The following SCAF8 variants were observed in gnomAD, a reference collection of about 807,000 sequenced individuals.
The protein encoded by SCAF8 is SR-related and CTD-associated factor 8.
A neutral mutation model predicts 140.5 loss-of-function variants in SCAF8; 23 were observed. The ratio of observed to expected loss-of-function variants is 0.16; its 90% CI spans 0.12 to 0.23. The LOEUF is 0.23. Among genes scored for constraint, SCAF8 ranks in the 10% least tolerant of loss-of-function variants. SCAF8 has a pLI of 1.00. For synonymous variants in SCAF8, 575 were observed against 528.9 expected (o/e 1.09, Z -1.20); for missense variants, 1,397 against 1,555.7 (o/e 0.90, Z 1.72).
chr6:154,751,518 G>A (rs1267672179), intron 1 of SCAF8, among the ~76,000 whole-genome samples: 1 of 152,052 alleles, frequency 6.6e-6, no homozygotes, highest in African/African-American at 2.4e-5. Context: ...ATGAGCCATC[G>A]CGCCCGGCCA....
intron 1 of SCAF8, chr6:154,741,906 T>G: frequency 7.7e-7 from 1 of 1,300,286 alleles, no homozygotes; most frequent in Non-Finnish European, 1.1e-6. Context: ...AGTGAGCTCA[T>G]TTTGTCTGGT....
In SCAF8 at chr6:154,733,456, C is replaced by T. The variant is rs1002455427; in HGVS notation, c.-445C>T. 11 of 1,380,934 alleles carry T rather than the reference C, an allele frequency of 8.0e-6. No homozygotes were observed. The highest frequency in any genetic ancestry group is 3.3e-5 in the Admixed American group (1 of 30,412). 85.5% of individuals were successfully genotyped at this position (1,380,934 alleles called of 1,614,324 possible). ...GCCGCTGCTGCCAGCGCTTCCTCCT[C>T]TGTCTTCGCCGAGCGGGGCTGGTTC... On this transcript the variant is annotated 5_prime_UTR_variant, in exon 1 of 20. Coordinates refer to ENST00000367178, the MANE Select transcript of SCAF8 (RefSeq NM_014892.5).
intron 1 of SCAF8, among the ~76,000 whole-genome samples, chr6:154,745,341 A>G (rs1477828369): frequency 6.6e-6 from 1 of 152,214 alleles, no homozygotes; most frequent in Non-Finnish European, 1.5e-5. Context: ...TGTTGTCCAC[A>G]TATTCCATTA....
chr6:154,811,927 C>G (rs1778103558), intron 12 of SCAF8, among the ~76,000 whole-genome samples: 1 of 152,094 alleles, frequency 6.6e-6, no homozygotes, highest in South Asian at 2.1e-4. Flanking sequence ...TTTTCTTAAT[C>G]CAGTCTATCA....
intron 9 of SCAF8, among the ~76,000 whole-genome samples, chr6:154,806,354 C>G (rs1001088750): frequency 1.3e-5 from 2 of 152,108 alleles, no homozygotes; most frequent in Non-Finnish European, 1.5e-5. Context: ...TATTAGGAAA[C>G]CCCCTTTCCC....
chr6:154,734,792 G>A (rs563021447), intron 1 of SCAF8, among the ~76,000 whole-genome samples: 5 of 152,234 alleles, frequency 3.3e-5, no homozygotes, highest in Non-Finnish European at 2.9e-5. Context: ...GTACACATCT[G>A]CACAGTCAGC....
intron 3 of SCAF8, among the ~76,000 whole-genome samples, chr6:154,786,265 T>G (rs1273428296): frequency 1.3e-5 from 2 of 152,192 alleles, no homozygotes; most frequent in Non-Finnish European, 2.9e-5. Context: ...TCTTGCTGTC[T>G]TCTCTTCTTG....
intron 1 of SCAF8, among the ~76,000 whole-genome samples, chr6:154,749,712 G>C (rs73581040): frequency 0.015 from 2,248 of 152,086 alleles, 58 homozygotes; most frequent in African/African-American, 0.051. Context: ...ATTGAGCCTG[G>C]GTTTTCTGAT....
intron 14 of SCAF8, among the ~76,000 whole-genome samples, chr6:154,819,023 C>A (rs1330085284): frequency 6.6e-6 from 1 of 151,810 alleles, no homozygotes; most frequent in African/African-American, 2.4e-5. Flanking sequence ...TAAACCAGGC[C>A]CTTGTGAAGA....
At position 154,774,357 on chromosome 6, in the gene SCAF8, G is replaced by A. The variant is rs143545912; in HGVS notation, c.114+285G>A. Among the ~76,000 whole-genome samples the A allele has an allele frequency of 3.0e-4, 45 of 152,232 alleles. No homozygotes were observed. In the East Asian group the frequency reaches 8.7e-3, roughly 29 times the overall value. On this transcript the variant is annotated intron_variant, in intron 2 of 19. Coordinates refer to ENST00000367178, the MANE Select transcript of SCAF8 (RefSeq NM_014892.5). ...GCTCACTGTGGCCTCGACCTCCTGG[G>A]CTCAAGTGATCCTCTTGCCTCAGCC...
In SCAF8 at chr6:154,815,149, T is replaced by C. The variant is rs541151958; in HGVS notation, c.1421-567T>C. 1.6e-3 allele frequency among the ~76,000 whole-genome samples: 237 copies of C among 151,982 alleles called. 1 individual carries two copies. The highest frequency in any genetic ancestry group is 5.6e-3 in the African/African-American group (231 of 41,466). On this transcript the variant is annotated intron_variant, in intron 12 of 19. Coordinates refer to ENST00000367178, the MANE Select transcript of SCAF8 (RefSeq NM_014892.5). ...CGTCTCTACTAAAAATACAAAAAAT[T>C]AGCCGGGTGTGGTGGCGGGCGCCTG... is the stretch of plus-strand genomic sequence containing the variant.
chr6:154,767,873 T>C (rs920956327), intron 1 of SCAF8, among the ~76,000 whole-genome samples: 3 of 152,142 alleles, frequency 2.0e-5, no homozygotes, highest in African/African-American at 4.8e-5. Flanking sequence ...TAAGCCATAC[T>C]TCTTTCTAAA....
intron 19 of SCAF8, 100 bp from the exon 20 acceptor site, chr6:154,831,839 G>A: frequency 2.2e-6 from 2 of 897,110 alleles, no homozygotes; most frequent in Non-Finnish European, 3.3e-6. Flanking sequence ...AGTAGCTAAT[G>A]TACCTTGATT....
intron 1 of SCAF8, among the ~76,000 whole-genome samples, chr6:154,753,054 C>A (rs980099122): frequency 6.6e-6 from 1 of 151,778 alleles, no homozygotes; most frequent in African/African-American, 2.4e-5. Flanking sequence ...GTGGGCCGGG[C>A]ATGGTGGCTC....
At position 154,818,601 on chromosome 6, in the gene SCAF8, T is replaced by C; in HGVS notation, c.1635+9T>C. ...GGTCCAAGGTCATTAAGGTGAGATT[T>C]GGTGGATTGGAACTTGGGGTAGGGG... On this transcript the variant is annotated intron_variant, in intron 14 of 19. Coordinates refer to ENST00000367178, the MANE Select transcript of SCAF8 (RefSeq NM_014892.5). The C allele has an allele frequency of 6.9e-7, 1 of 1,452,686 alleles. No individual in the cohort carries two copies. The highest frequency in any genetic ancestry group is 9.6e-7 in the Non-Finnish European group (1 of 1,043,154). The allele number at this position is 1,452,686 out of a possible 1,614,324, so 90.0% of individuals were successfully genotyped here.
chr6:154,824,197 A>G (rs1778497963), intron 16 of SCAF8, 37 bp from the exon 17 acceptor site: 1 of 1,607,208 alleles, frequency 6.2e-7, no homozygotes, highest in Non-Finnish European at 8.5e-7. Flanking sequence ...GCAGGTGAAT[A>G]AACTGATGAG....
chr6:154,778,268 C>T (rs1776972168), intron 3 of SCAF8, among the ~76,000 whole-genome samples: 1 of 152,086 alleles, frequency 6.6e-6, no homozygotes, highest in Non-Finnish European at 1.5e-5. Context: ...TAAGCAGAGC[C>T]AGTTTGAGAA....
intron 1 of SCAF8, among the ~76,000 whole-genome samples, chr6:154,747,079 A>G (rs1279398865): frequency 6.6e-6 from 1 of 152,234 alleles, no homozygotes; most frequent in Non-Finnish European, 1.5e-5. Context: ...TGGGTGAAAG[A>G]AAGTATATAT....
intron 3 of SCAF8, among the ~76,000 whole-genome samples, chr6:154,780,497 A>G (rs936384386): frequency 2.0e-5 from 3 of 151,264 alleles, no homozygotes; most frequent in East Asian, 2.0e-4. Context: ...TACATTAGCT[A>G]TTTGTCCTAA....
Sources: gnomAD v4.1 joint callset for allele counts (sites outside exome capture counted in the v4.1 genomes callset) on GRCh38, gnomAD v4.1.1 for gene constraint, MANE v1.5 for transcripts, NCBI Gene and HGNC (gene_info 2026-07-23, HGNC 2026-07-21) for gene names.